ARHGAP32: variants seen among roughly 807,000 people sequenced by gnomAD.
ARHGAP32 encodes the protein Rho GTPase activating protein 32, also known as rho GTPase-activating protein 32.
ARHGAP32 carries 51 observed loss-of-function variants against 186.5 expected under a neutral mutation model. The observed-to-expected ratio is 0.27, with a 90% CI of 0.22 to 0.35. The LOEUF (loss-of-function observed/expected upper bound fraction) is 0.35, where lower values mean the gene tolerates loss of function less well. Ranked by LOEUF, ARHGAP32 falls within the 10% of genes least tolerant of loss-of-function variation. The pLI is 1.00. For synonymous variants in ARHGAP32, 950 were observed against 964.3 expected (o/e 0.99, Z 0.27); for missense variants, 2,186 against 2,623.5 (o/e 0.83, Z 3.64).
chr11:129,099,060 A>G (rs1371254143), intron 5 of ARHGAP32, among the ~76,000 whole-genome samples: 2 of 152,150 alleles, frequency 1.3e-5, no homozygotes, highest in East Asian at 1.9e-4. Context: ...GAATATAGGG[A>G]AAAAAGCTAT....
chr11:129,221,519 GTGTGTGTGTGTGTGTT>G lies in ARHGAP32; in HGVS notation c.-4-57108_-4-57093del, dbSNP rs1411421211. Among the ~76,000 whole-genome samples the G allele has an allele frequency of 3.6e-3, 506 of 139,902 alleles. 1 individual carries two copies. The highest frequency in any genetic ancestry group is 4.3e-3 in the Non-Finnish European group (281 of 64,774). The allele number at this position is 139,902 out of a possible 152,430, so 91.8% of individuals were successfully genotyped here. On this transcript the variant is annotated intron_variant, in intron 1 of 6. Transcript: ENST00000525234. Reference sequence around the variant, plus strand: ...TGTGTGTGTGTGTGTGTGTGTGTGTGTGTGTGTGTGTGTGTTTATGGTAAAAATTCATAGGCAGCAG... The same window carrying G: ...TGTGTGTGTGTGTGTGTGTGTGTGTGTATGGTAAAAATTCATAGGCAGCAG...
rs376369516 is a variant in ARHGAP32, at chr11:129,161,852, C to A, written c.225+2467G>T. ...CTATAAAGACAAATGCACACGTATGCTTACTTCAACACTGTTCACAACAGC... is the reference window on the plus strand; with the variant it reads ...CTATAAAGACAAATGCACACGTATGATTACTTCAACACTGTTCACAACAGC... On this transcript the variant is annotated intron_variant, in intron 2 of 22. Transcript: ENST00000682385. Among the ~76,000 whole-genome samples, 26 of 152,196 alleles carry A rather than the reference C, an allele frequency of 1.7e-4. No individual in the cohort carries two copies. The East Asian group carries it at 2.1e-3, about 12-fold the overall frequency.
At chr11:128,979,330 A>G (rs1465955998) in intron 18 of ARHGAP32, among the ~76,000 whole-genome samples, 1 of 152,210 alleles carries the variant, frequency 6.6e-6, no homozygotes, top group Non-Finnish European at 1.5e-5. Flanking sequence ...AATAACAAAC[A>G]TATACTGAAT....
intron 11 of ARHGAP32, among the ~76,000 whole-genome samples, chr11:129,028,188 A>G (rs1055405963): frequency 1.3e-5 from 2 of 152,252 alleles, no homozygotes; most frequent in Non-Finnish European, 2.9e-5. Flanking sequence ...AAAAAGACAT[A>G]TAGAAAGTGA....
chr11:129,143,088 T>TATATATATATATAAATAA (rs886102587), intron 2 of ARHGAP32, among the ~76,000 whole-genome samples: 119 of 149,070 alleles, frequency 8.0e-4, no homozygotes, highest in Non-Finnish European at 7.1e-4. Context: ...TATATATATA[T>TATATATATATATAAATAA]AATCAACTGA....
chr11:129,213,046 A>T (rs752410177), intron 1 of ARHGAP32, among the ~76,000 whole-genome samples: 21 of 152,138 alleles, frequency 1.4e-4, no homozygotes, highest in Admixed American at 1.4e-3. Flanking sequence ...ATACTTTATT[A>T]TTCTCCAAAC....
At chr11:129,024,248 C>T (rs1224427352) in intron 11 of ARHGAP32, 1 of 863,100 alleles carries the variant, frequency 1.2e-6, no homozygotes, top group Non-Finnish European at 1.4e-6. Context: ...CAGGCTTCAC[C>T]AGAAGAGCTC....
At chr11:129,278,942 C>T (rs1438749866) in intron 1 of ARHGAP32, among the ~76,000 whole-genome samples, 2 of 147,942 alleles carry the variant, frequency 1.4e-5, no homozygotes, top group East Asian at 4.0e-4. Context: ...AGGCGGTGGG[C>T]CCGCAGCGCC....
At chr11:129,140,755 T>C (rs756808628) in intron 2 of ARHGAP32, among the ~76,000 whole-genome samples, 26 of 152,212 alleles carry the variant, frequency 1.7e-4, no homozygotes, top group Non-Finnish European at 3.5e-4. Context: ...TACACAGATC[T>C]GACACAGTTC....
At chr11:129,193,623 T>C (rs1417274363), upstream of ARHGAP32, among the ~76,000 whole-genome samples, 2 of 79,124 alleles carry the variant, frequency 2.5e-5, no homozygotes, top group South Asian at 5.7e-4. Context: ...ATATGTTATA[T>C]AATATATATA....
chr11:129,050,312 T>A (rs1199954457), intron 10 of ARHGAP32, among the ~76,000 whole-genome samples: 2 of 152,264 alleles, frequency 1.3e-5, no homozygotes, highest in Non-Finnish European at 2.9e-5. Flanking sequence ...ATCCTTTTGA[T>A]GATATCTCTT....
intron 1 of ARHGAP32, among the ~76,000 whole-genome samples, chr11:129,239,753 G>A (rs538996078): frequency 7.2e-5 from 11 of 152,068 alleles, no homozygotes; most frequent in Admixed American, 3.9e-4. Flanking sequence ...CTACTCTCAC[G>A]CTAATCCAAA....
At chr11:129,036,454 T>C (rs1591552773) in intron 11 of ARHGAP32, among the ~76,000 whole-genome samples, 1 of 142,952 alleles carries the variant, frequency 7.0e-6, no homozygotes, top group Admixed American at 6.9e-5. Flanking sequence ...TTAATGCCAA[T>C]ATTAGGCTAA....
chr11:129,090,943 T>C (rs916033928), intron 6 of ARHGAP32, among the ~76,000 whole-genome samples: 7 of 152,188 alleles, frequency 4.6e-5, no homozygotes, highest in African/African-American at 1.7e-4. Context: ...ATTAACTTTC[T>C]TGAGAAGGTT....
At chr11:129,045,462 G>A (rs1295209192) in intron 10 of ARHGAP32, among the ~76,000 whole-genome samples, 2 of 152,104 alleles carry the variant, frequency 1.3e-5, no homozygotes, top group East Asian at 1.9e-4. Flanking sequence ...ATTTGTGAAA[G>A]GCAAACAGAT....
chr11:128,986,143 C>A, intron 14 of ARHGAP32, 58 bp from the exon 15 acceptor site: 3 of 1,329,224 alleles, frequency 2.3e-6, no homozygotes, highest in South Asian at 2.7e-5. Flanking sequence ...AATGAAAGTT[C>A]ACTTACAATT....
chr11:129,052,515 C>T (rs191566170), intron 10 of ARHGAP32, among the ~76,000 whole-genome samples: 1 of 152,158 alleles, frequency 6.6e-6, no homozygotes, highest in East Asian at 1.9e-4. Context: ...TCTTCCAACC[C>T]ATAAAAACAG....
Position 128,969,679 on chromosome 11 carries a change from T to A in ARHGAP32, c.5534A>T (p.His1845Leu). The A allele has an allele frequency of 6.2e-7, 1 of 1,614,166 alleles. No homozygotes were observed. The highest frequency in any genetic ancestry group is 8.5e-7 in the Non-Finnish European group (1 of 1,180,032). ...PEGEDRFYRR[H>L]PEAEMDRAHH... ...GGCTCTGTCCATCTCTGCCTCGGGA[T>A]GCCTCCTATAGAAGCGGTCCTCTCC... is the stretch of plus-strand genomic sequence containing the variant. The change falls in exon 23 of 23, where the codon CAT becomes CTT. Residue 1845 changes from histidine to leucine, a missense_variant. By Grantham distance (99) the His-to-Leu change is moderately conservative. Around this residue, in one of 5 missense-constraint regions of ARHGAP32, gnomAD observed 1,502 missense variants for 1,570.0 expected, o/e 0.96. Transcript: ENST00000682385. The surrounding 1 kb of genome is among the most constrained non-coding windows in gnomAD (Gnocchi z 4.8).
At chr11:129,210,679 C>T (rs768786474) in intron 1 of ARHGAP32, among the ~76,000 whole-genome samples, 114 of 152,246 alleles carry the variant, frequency 7.5e-4, no homozygotes, top group Admixed American at 2.3e-3. Flanking sequence ...ACTGGTGGAG[C>T]TTTGAGTCTG....
Sources: allele counts gnomAD v4.1 joint callset (sites outside exome capture counted in the v4.1 genomes callset), GRCh38; gene constraint gnomAD v4.1.1; regional missense constraint gnomAD v4.1.1; non-coding constraint Gnocchi (gnomAD v3.1); transcripts MANE v1.5; gene names NCBI Gene and HGNC (gene_info 2026-07-23, HGNC 2026-07-21).